The following SHOC2 variants were observed in gnomAD, a reference collection of about 807,000 sequenced individuals.
The protein encoded by SHOC2 is leucine-rich repeat protein SHOC-2.
Under a neutral mutation model 50.2 loss-of-function variants are expected in SHOC2, and 4 were observed. The observed-to-expected ratio is 0.08, with a 90% CI of 0.04 to 0.18. The LOEUF is 0.18. Ranked by LOEUF, SHOC2 falls within the 10% of genes least tolerant of loss-of-function variation. The probability of loss-of-function intolerance (pLI) is 1.00; values close to 1 mark genes in which losing one functional copy is unlikely to be tolerated. For missense variants in SHOC2, 388 were observed against 669.6 expected, an observed-to-expected ratio of 0.58 and a Z score of 4.64; for synonymous variants, 218 against 244.5, an observed-to-expected ratio of 0.89 and a Z score of 1.01.
intron 2 of SHOC2, among the ~76,000 whole-genome samples, chr10:110,979,229 A>G (rs1007975282): frequency 2.6e-5 from 4 of 152,214 alleles, no homozygotes; most frequent in African/African-American, 9.6e-5. Context: ...TGTTGGCTGG[A>G]GACTGCTCTT....
intron 1 of SHOC2, among the ~76,000 whole-genome samples, chr10:110,943,803 G>T (rs954151113): frequency 6.6e-6 from 1 of 152,198 alleles, no homozygotes; most frequent in Non-Finnish European, 1.5e-5. Context: ...TTAATCTTGA[G>T]GCAGTAGGAA....
intron 1 of SHOC2, among the ~76,000 whole-genome samples, chr10:110,959,223 C>T (rs963867763): frequency 2.0e-5 from 3 of 152,048 alleles, no homozygotes; most frequent in Admixed American, 6.6e-5. Context: ...CTGATATAGA[C>T]GTGTTATATT....
At position 110,964,487 on chromosome 10, in the gene SHOC2, T is replaced by A; in HGVS notation, c.129T>A (p.Pro43=). 6.2e-7 allele frequency: 1 copy of A among 1,613,784 alleles called. No individual in the cohort carries two copies. Among genetic ancestry groups the A allele is most frequent in the Non-Finnish European group, 8.5e-7 (1 of 1,179,918 alleles). ...GFGKESKEKE[P]KTKGKDAKDG... is the part of the protein sequence containing the mutation. Reference sequence around the variant, plus strand: ...GGAAAGAGAGCAAAGAAAAAGAACCTAAGACCAAAGGGAAAGATGCCAAAG... The same window carrying A: ...GGAAAGAGAGCAAAGAAAAAGAACCAAAGACCAAAGGGAAAGATGCCAAAG... Residue 43 remains proline (P), a synonymous_variant, in exon 2 of 9, where the codon CCT becomes CCA. Coordinates refer to ENST00000369452, the MANE Select transcript of SHOC2 (RefSeq NM_007373.4). This position sits in a 1 kb window ranked among gnomAD's most constrained non-coding sequence, Gnocchi z 4.9.
intron 4 of SHOC2, among the ~76,000 whole-genome samples, chr10:111,001,326 G>A (rs1160772375): frequency 6.6e-6 from 1 of 151,808 alleles, no homozygotes; most frequent in Non-Finnish European, 1.5e-5. Context: ...GGTTAATTTT[G>A]TATTTTTAGT....
intron 1 of SHOC2, among the ~76,000 whole-genome samples, chr10:110,933,026 TA>T (rs1846925008): frequency 6.6e-6 from 1 of 152,234 alleles, no homozygotes; most frequent in African/African-American, 2.4e-5. Flanking sequence ...GTTTATATTG[TA>T]ATTCTGGCTG....
chr10:110,958,459 G>A (rs747882476), intron 1 of SHOC2, among the ~76,000 whole-genome samples: 9 of 152,066 alleles, frequency 5.9e-5, no homozygotes, highest in Non-Finnish European at 1.2e-4. Flanking sequence ...TGATCCGTCT[G>A]CCTCAGCCTC....
At chr10:110,983,963 A>T (rs1489533302) in intron 2 of SHOC2, among the ~76,000 whole-genome samples, 2 of 152,218 alleles carry the variant, frequency 1.3e-5, no homozygotes, top group African/African-American at 2.4e-5. Context: ...TAATGCTGCC[A>T]TGAACATTGG....
intron 2 of SHOC2, among the ~76,000 whole-genome samples, chr10:110,982,682 T>C (rs984843941): frequency 7.9e-5 from 12 of 152,106 alleles, no homozygotes; most frequent in Admixed American, 2.6e-4. Context: ...TCATGTCCTT[T>C]GCCCACTTTT....
intron 1 of SHOC2, among the ~76,000 whole-genome samples, chr10:110,929,838 T>C (rs187896301): frequency 6.6e-5 from 10 of 152,322 alleles, no homozygotes; most frequent in Admixed American, 4.6e-4. Context: ...GTTCAGGACA[T>C]AGCAGGATTA....
chr10:110,922,717 C>T (rs1168079808), intron 1 of SHOC2, among the ~76,000 whole-genome samples: 1 of 151,960 alleles, frequency 6.6e-6, no homozygotes, highest in Non-Finnish European at 1.5e-5. Context: ...ACTCACAAAT[C>T]CTTCAGTGAG....
At chr10:110,944,479 G>A (rs1381232094) in intron 1 of SHOC2, among the ~76,000 whole-genome samples, 1 of 150,298 alleles carries the variant, frequency 6.7e-6, no homozygotes, top group Non-Finnish European at 1.5e-5. Context: ...TTCTTCCTGT[G>A]TATGGTTCAT....
intron 2 of SHOC2, among the ~76,000 whole-genome samples, chr10:110,967,104 A>G (rs1377981352): frequency 6.6e-6 from 1 of 152,226 alleles, no homozygotes; most frequent in East Asian, 1.9e-4. Context: ...ATGAATCATA[A>G]TACTATACAT....
chr10:110,937,838 G>A (rs1397348585), intron 1 of SHOC2, among the ~76,000 whole-genome samples: 2 of 152,146 alleles, frequency 1.3e-5, no homozygotes, highest in South Asian at 2.1e-4. Context: ...AAAACATTAA[G>A]AATGAAACTA....
intron 1 of SHOC2, among the ~76,000 whole-genome samples, chr10:110,955,242 C>T (rs141400354): frequency 1.5e-3 from 227 of 152,110 alleles, no homozygotes; most frequent in African/African-American, 5.2e-3. Context: ...GCTTGGAGTA[C>T]GGTGAAGGCA....
intron 1 of SHOC2, among the ~76,000 whole-genome samples, chr10:110,947,849 A>G (rs1847277307): frequency 6.6e-6 from 1 of 152,138 alleles, no homozygotes; most frequent in South Asian, 2.1e-4. Flanking sequence ...TAGTCAGAAA[A>G]CAACAAAATG....
At chr10:110,984,773 T>G (rs1179574109) in intron 2 of SHOC2, among the ~76,000 whole-genome samples, 3 of 152,202 alleles carry the variant, frequency 2.0e-5, no homozygotes, top group Non-Finnish European at 4.4e-5. Context: ...TCTGTTCTTT[T>G]AGAGTCCTAG....
Position 110,964,312 on chromosome 10 carries a change from G to A in SHOC2, c.-47G>A, listed in dbSNP as rs2134120777. On this transcript the variant is annotated 5_prime_UTR_variant, in exon 2 of 9. Coordinates refer to ENST00000369452, the MANE Select transcript of SHOC2 (RefSeq NM_007373.4). The surrounding 1 kb of genome is among the most constrained non-coding windows in gnomAD (Gnocchi z 4.9). ...CTCTTCATCTTTGAATTCAATTACT[G>A]GAAAATAAAAGGAGTTCATGTAGTT... 4.4e-6 allele frequency: 7 copies of A among 1,594,266 alleles called. No individual in the cohort carries two copies. The highest frequency in any genetic ancestry group is 4.3e-6 in the Non-Finnish European group (5 of 1,170,856).
At chr10:111,004,838 G>A in intron 5 of SHOC2, 44 bp downstream of exon 5, 1 of 1,244,430 alleles carries the variant, frequency 8.0e-7, no homozygotes, top group Admixed American at 1.7e-5. Context: ...TGCTTTAATT[G>A]GTACTTCCAC....
At chr10:110,989,328 A>G (rs2134154379) in intron 3 of SHOC2, among the ~76,000 whole-genome samples, 1 of 152,226 alleles carries the variant, frequency 6.6e-6, no homozygotes, top group Middle Eastern at 3.4e-3. Context: ...ACTAATTCCC[A>G]TTTTTGTTTT....
Sources: allele counts gnomAD v4.1 joint callset (sites outside exome capture counted in the v4.1 genomes callset), GRCh38; gene constraint gnomAD v4.1.1; non-coding constraint Gnocchi (gnomAD v3.1); transcripts MANE v1.5; gene names NCBI Gene and HGNC (gene_info 2026-07-23, HGNC 2026-07-21).